The following RNF214 variants were observed in gnomAD, a reference collection of about 807,000 sequenced individuals.
RNF214 encodes the protein ring finger protein 214.
Under a neutral mutation model 75.9 loss-of-function variants are expected in RNF214, and 25 were observed. The observed-to-expected ratio is 0.33, with a 90% CI of 0.24 to 0.46. RNF214 has a LOEUF of 0.46. RNF214 is among the 20% of genes least tolerant of loss of function. RNF214 has a pLI of 1.00. For missense variants in RNF214, 725 were observed against 857.5 expected (o/e 0.85, Z 1.93); for synonymous variants, 314 against 308.8 (o/e 1.02, Z -0.18).
intron 6 of RNF214, among the ~76,000 whole-genome samples, chr11:117,260,384 ACTTTC>A (rs1162470422): frequency 6.6e-6 from 1 of 152,266 alleles, no homozygotes; most frequent in Non-Finnish European, 1.5e-5. Context: ...TATCGAAAAG[ACTTTC>A]CTTTCCCTAT....
chr11:117,259,366 G>A (rs1276336043), intron 6 of RNF214, among the ~76,000 whole-genome samples: 1 of 152,178 alleles, frequency 6.6e-6, no homozygotes, highest in Admixed American at 6.5e-5. Flanking sequence ...GAATAAAGCT[G>A]CTATGAACAC....
At chr11:117,236,725 CAGAG>C (rs1419783996) in intron 2 of RNF214, among the ~76,000 whole-genome samples, 1 of 152,174 alleles carries the variant, frequency 6.6e-6, no homozygotes, top group African/African-American at 2.4e-5. Context: ...AACTGAGACA[CAGAG>C]AGGTTAGTAA....
intron 6 of RNF214, among the ~76,000 whole-genome samples, chr11:117,258,545 G>C: frequency 6.6e-6 from 1 of 151,364 alleles, no homozygotes; most frequent in Non-Finnish European, 1.5e-5. Context: ...TTATTTATTT[G>C]CATTTTTGGG....
At chr11:117,284,513 C>A (rs1454728812) in intron 14 of RNF214, among the ~76,000 whole-genome samples, 1 of 152,108 alleles carries the variant, frequency 6.6e-6, no homozygotes, top group African/African-American at 2.4e-5. Flanking sequence ...GGGAGCAAGC[C>A]ACACTAGACA....
chr11:117,269,704 A>C (rs547186788), intron 6 of RNF214, among the ~76,000 whole-genome samples: 8 of 152,334 alleles, frequency 5.3e-5, no homozygotes, highest in African/African-American at 1.7e-4. Flanking sequence ...GTTGTTTCCC[A>C]GGTAATCTGT....
Position 117,279,961 on chromosome 11 carries a change from A to G in RNF214, c.1013A>G (p.Asn338Ser), listed in dbSNP as rs754841735. Residue 338 changes from asparagine (N) to serine (S), a missense_variant, in exon 7 of 15, where the codon AAT (asparagine) becomes AGT (serine). Around this residue, in one of 2 missense-constraint regions of RNF214, gnomAD observed 363 missense variants for 513.0 expected, o/e 0.71. Coordinates refer to ENST00000300650, the MANE Select transcript of RNF214 (RefSeq NM_207343.4). ...CTCAAGAATCAGGATGGCGAAATAA[A>G]TAGGAACATTATGGAAGAGACTGAA... ...DRLKNQDGEINRNIMEETERA... is the reference protein window; with the variant it reads ...DRLKNQDGEISRNIMEETERA... The G allele has an allele frequency of 1.1e-5, 17 of 1,613,764 alleles. No individual in the cohort carries two copies. Among genetic ancestry groups the G allele is most frequent in the Non-Finnish European group, 1.4e-5 (17 of 1,179,890 alleles).
intron 6 of RNF214, among the ~76,000 whole-genome samples, chr11:117,258,549 T>A (rs1043885439): frequency 1.8e-4 from 27 of 152,290 alleles, no homozygotes; most frequent in African/African-American, 6.5e-4. Context: ...TTATTTGCAT[T>A]TTTGGGTAAT....
intron 6 of RNF214, among the ~76,000 whole-genome samples, chr11:117,260,644 T>C (rs950051971): frequency 6.9e-6 from 1 of 144,094 alleles, no homozygotes; most frequent in Admixed American, 7.1e-5. Flanking sequence ...ATTTCTTTTT[T>C]TTTTTTCTTT....
intron 6 of RNF214, among the ~76,000 whole-genome samples, chr11:117,273,135 A>ATT (rs1389001979): frequency 6.6e-6 from 1 of 152,102 alleles, no homozygotes; most frequent in Non-Finnish European, 1.5e-5. Flanking sequence ...GCTATATTTA[A>ATT]TTGATTGCAA....
intron 1 of RNF214, among the ~76,000 whole-genome samples, chr11:117,232,981 C>T (rs1002970735): frequency 6.6e-5 from 10 of 151,850 alleles, no homozygotes; most frequent in Non-Finnish European, 1.5e-4. Context: ...CCTAGCAGTC[C>T]CCTGTGGGGG....
intron 6 of RNF214, among the ~76,000 whole-genome samples, chr11:117,250,923 G>C (rs2033362143): frequency 1.4e-5 from 2 of 145,724 alleles, no homozygotes; most frequent in African/African-American, 5.1e-5. Flanking sequence ...GAGAGCACAG[G>C]GTTGGGGGTA....
At chr11:117,257,594 G>T (rs1243413093) in intron 6 of RNF214, among the ~76,000 whole-genome samples, 1 of 152,186 alleles carries the variant, frequency 6.6e-6, no homozygotes, top group Admixed American at 6.5e-5. Flanking sequence ...TGACAACATA[G>T]AGACGATAGT....
intron 3 of RNF214, 104 bp downstream of exon 3, chr11:117,239,215 GT>G: frequency 1.6e-6 from 2 of 1,257,634 alleles, no homozygotes; most frequent in Non-Finnish European, 2.2e-6. Context: ...GGCTTGTTTT[GT>G]TTTTTGTTTT....
rs972925788 is a variant in RNF214, at chr11:117,285,359, A to G, written c.*208A>G. The G allele has an allele frequency of 4.7e-6, 2 of 422,508 alleles. No individual in the cohort carries two copies. Among genetic ancestry groups the G allele is most frequent in the Non-Finnish European group, 8.4e-6 (2 of 237,028 alleles). The allele number at this position is 422,508 out of a possible 1,614,324, so 26.2% of individuals were successfully genotyped here. On this transcript the variant is annotated 3_prime_UTR_variant, in exon 15 of 15. Coordinates refer to ENST00000300650, the MANE Select transcript of RNF214 (RefSeq NM_207343.4). ...ATGCAGAAACAGTCTGTTCCCCCTCATCTTGCAATTCCTTTGGGGGATGCA... is the reference window on the plus strand; with the variant it reads ...ATGCAGAAACAGTCTGTTCCCCCTCGTCTTGCAATTCCTTTGGGGGATGCA...
rs745641088 is a variant in RNF214, at chr11:117,244,427, T to A, written c.679-18T>A. 6.2e-7 allele frequency: 1 copy of A among 1,602,386 alleles called. No homozygotes were observed. Among genetic ancestry groups the A allele is most frequent in the Non-Finnish European group, 8.5e-7 (1 of 1,174,046 alleles). ...GATTAAATTAGGAAATAAGCTTTTC[T>A]TGTCTTGTTCATAATAGGATAAAAT... On this transcript the variant is annotated intron_variant, in intron 4 of 14. Coordinates refer to ENST00000300650, the MANE Select transcript of RNF214 (RefSeq NM_207343.4).
At chr11:117,284,860 G>A (rs1312286376) in intron 14 of RNF214, among the ~76,000 whole-genome samples, 1 of 152,184 alleles carries the variant, frequency 6.6e-6, no homozygotes, top group East Asian at 1.9e-4. Flanking sequence ...AACCCAGGAA[G>A]CAGAGGTTCC....
At chr11:117,234,567 A>T (rs181510006) in intron 2 of RNF214, among the ~76,000 whole-genome samples, 188 bp downstream of exon 2, 40 of 152,356 alleles carry the variant, frequency 2.6e-4, no homozygotes, top group Non-Finnish European at 5.7e-4. Context: ...GGCATGCTAA[A>T]TGTTTGGGGA....
intron 6 of RNF214, among the ~76,000 whole-genome samples, chr11:117,267,533 G>A (rs2033821150): frequency 2.0e-5 from 3 of 151,630 alleles, no homozygotes; most frequent in Admixed American, 2.0e-4. Context: ...GCAACATAAT[G>A]AAACCCCCGT....
intron 6 of RNF214, among the ~76,000 whole-genome samples, chr11:117,258,166 T>G (rs1242873357): frequency 6.6e-6 from 1 of 152,002 alleles, no homozygotes; most frequent in African/African-American, 2.4e-5. Context: ...CCTTCCAGGT[T>G]CAAGCAATTC....
Sources: allele counts gnomAD v4.1 joint callset (sites outside exome capture counted in the v4.1 genomes callset), GRCh38; gene constraint gnomAD v4.1.1; regional missense constraint gnomAD v4.1.1; transcripts MANE v1.5; gene names NCBI Gene and HGNC (gene_info 2026-07-23, HGNC 2026-07-21).